THEMIS: variants seen among roughly 807,000 people sequenced by gnomAD.
THEMIS encodes protein THEMIS.
In THEMIS, 37 loss-of-function variants were observed where a neutral mutation model predicts 52.6. That is an observed-to-expected ratio of 0.70 (90% CI 0.54 to 0.93). The LOEUF (loss-of-function observed/expected upper bound fraction) is 0.93, where lower values mean the gene tolerates loss of function less well. THEMIS is among the 40% of genes least tolerant of loss of function. The pLI, the probability that THEMIS is intolerant of heterozygous loss-of-function variation, is 0.00. For missense variants in THEMIS, 808 were observed against 763.1 expected, an observed-to-expected ratio of 1.06 and a Z score of -0.69; for synonymous variants, 292 against 272.7, an observed-to-expected ratio of 1.07 and a Z score of -0.70.
chr6:127,906,028 A>G (rs903647971), upstream of THEMIS, among the ~76,000 whole-genome samples: 2 of 146,046 alleles, frequency 1.4e-5, no homozygotes, highest in Non-Finnish European at 3.0e-5. Flanking sequence ...AATAATTTAA[A>G]TGAAATAATT....
At chr6:127,875,805 A>T (rs934473028) in intron 1 of THEMIS, among the ~76,000 whole-genome samples, 2 of 152,212 alleles carry the variant, frequency 1.3e-5, no homozygotes, top group Non-Finnish European at 2.9e-5. Flanking sequence ...TAATTTGGTC[A>T]TCTATGTGTC....
intron 4 of THEMIS, among the ~76,000 whole-genome samples, chr6:127,778,779 G>A (rs780290591): frequency 4.0e-5 from 6 of 149,876 alleles, no homozygotes; most frequent in Admixed American, 6.6e-5. Flanking sequence ...CATCCAGTTC[G>A]ACTATACTGA....
At chr6:127,840,159 A>T (rs1354075550) in intron 2 of THEMIS, among the ~76,000 whole-genome samples, 2 of 152,132 alleles carry the variant, frequency 1.3e-5, no homozygotes, top group Non-Finnish European at 2.9e-5. Flanking sequence ...TATGTATCAG[A>T]TCTTTAAAAA....
chr6:127,738,922 C>G (rs1452489479), intron 4 of THEMIS, among the ~76,000 whole-genome samples: 1 of 152,092 alleles, frequency 6.6e-6, no homozygotes, highest in Admixed American at 6.6e-5. Flanking sequence ...TTTCCTAGGG[C>G]TGTTATAGCC....
intron 4 of THEMIS, among the ~76,000 whole-genome samples, chr6:127,794,907 G>A (rs555180657): frequency 3.3e-5 from 5 of 152,086 alleles, no homozygotes; most frequent in Non-Finnish European, 2.9e-5. Flanking sequence ...GACCATTTAC[G>A]GAGGTGTTTT....
chr6:127,740,334 T>C (rs1025177476), intron 4 of THEMIS, among the ~76,000 whole-genome samples: 2 of 152,128 alleles, frequency 1.3e-5, no homozygotes, highest in Non-Finnish European at 2.9e-5. Context: ...AGGATCATAT[T>C]TGTGACTGAT....
chr6:127,878,680 C>T (rs1054471963), intron 1 of THEMIS, among the ~76,000 whole-genome samples: 3 of 152,102 alleles, frequency 2.0e-5, no homozygotes, highest in Admixed American at 6.5e-5. Context: ...GAATTTTTTT[C>T]TAGTGACTCT....
intron 2 of THEMIS, among the ~76,000 whole-genome samples, chr6:127,849,662 A>AAAG (rs1286322299): frequency 3.3e-5 from 5 of 152,138 alleles, no homozygotes; most frequent in Admixed American, 2.0e-4. Context: ...AATATTCAAT[A>AAAG]AATGGTGCTA....
At chr6:127,724,246 C>T (rs1277669308) in intron 4 of THEMIS, among the ~76,000 whole-genome samples, 1 of 152,102 alleles carries the variant, frequency 6.6e-6, no homozygotes, top group African/African-American at 2.4e-5. Context: ...TCATGCAGAA[C>T]TGTATTCATA....
At chr6:127,775,364 A>G (rs1776531214) in intron 4 of THEMIS, among the ~76,000 whole-genome samples, 1 of 152,182 alleles carries the variant, frequency 6.6e-6, no homozygotes, top group South Asian at 2.1e-4. Flanking sequence ...ACGTCCACCT[A>G]TTTCTCTGAG....
At chr6:127,807,899 C>A (rs1014986813) in intron 4 of THEMIS, among the ~76,000 whole-genome samples, 1 of 152,162 alleles carries the variant, frequency 6.6e-6, no homozygotes, top group East Asian at 1.9e-4. Context: ...CAATTTAGCA[C>A]CAGCAGCAGC....
chr6:127,867,029 G>A (rs1444848813), intron 1 of THEMIS, among the ~76,000 whole-genome samples: 1 of 150,954 alleles, frequency 6.6e-6, no homozygotes, highest in Non-Finnish European at 1.5e-5. Flanking sequence ...AGTTTTCTGT[G>A]CTATAGAAAA....
Position 127,747,187 on chromosome 6 carries a change from A to G in THEMIS, c.1759-27364T>C, listed in dbSNP as rs1278601882. 2.2e-5 allele frequency among the ~76,000 whole-genome samples: 3 copies of G among 133,342 alleles called. No homozygotes were observed. The Admixed American group carries it at 2.5e-4, about 11-fold the overall frequency. The allele number at this position is 133,342 out of a possible 152,430, so 87.5% of individuals were successfully genotyped here. A position where few individuals can be genotyped will look rare whatever the true frequency, so the allele number is the denominator to read the frequency against. ...TTATATATAATTATAGATATCTATA[A>G]TTACAGATATCTATCATATCTGCAT... On this transcript the variant is annotated intron_variant, in intron 4 of 5. Coordinates refer to ENST00000368248, the MANE Select transcript of THEMIS (RefSeq NM_001010923.3).
At chr6:127,819,402 A>G (rs528346499) in intron 3 of THEMIS, among the ~76,000 whole-genome samples, 18 of 152,286 alleles carry the variant, frequency 1.2e-4, no homozygotes, top group Non-Finnish European at 2.1e-4. Flanking sequence ...AAACATTTGC[A>G]TTAACAAGAC....
intron 4 of THEMIS, among the ~76,000 whole-genome samples, chr6:127,778,886 AT>A (rs1447050472): frequency 6.6e-6 from 1 of 151,528 alleles, no homozygotes; most frequent in Non-Finnish European, 1.5e-5. Flanking sequence ...TAAAGAAATA[AT>A]ACCTATTGGG....
intron 4 of THEMIS, among the ~76,000 whole-genome samples, chr6:127,789,093 T>C (rs1300887651): frequency 1.3e-5 from 2 of 152,134 alleles, no homozygotes; most frequent in East Asian, 3.8e-4. Context: ...ATACAGGAGC[T>C]GATTTTTTGA....
intron 1 of THEMIS, among the ~76,000 whole-genome samples, chr6:127,897,657 A>G (rs766241946): frequency 2.6e-5 from 4 of 151,616 alleles, no homozygotes; most frequent in Admixed American, 6.6e-5. Context: ...TACTAAGCAT[A>G]TGAGTTAATT....
At chr6:127,869,961 T>C (rs1459645964) in intron 1 of THEMIS, among the ~76,000 whole-genome samples, 1 of 152,196 alleles carries the variant, frequency 6.6e-6, no homozygotes, top group Non-Finnish European at 1.5e-5. Flanking sequence ...TTTGCCAGGC[T>C]GTAACAAGTC....
chr6:127,870,570 A>G (rs1399733224), intron 1 of THEMIS, among the ~76,000 whole-genome samples: 11 of 152,210 alleles, frequency 7.2e-5, no homozygotes, highest in African/African-American at 2.4e-4. Flanking sequence ...AGTGGATTAA[A>G]AAACATAACC....
Sources: gnomAD v4.1 joint callset for allele counts (sites outside exome capture counted in the v4.1 genomes callset) on GRCh38, gnomAD v4.1.1 for gene constraint, MANE v1.5 for transcripts, NCBI Gene and HGNC (gene_info 2026-07-23, HGNC 2026-07-21) for gene names.